Variants in PLD5 observed in about 807,000 individuals in gnomAD.
PLD5 encodes inactive phospholipase D5.
Under a neutral mutation model 61.1 loss-of-function variants are expected in PLD5, and 36 were observed. The ratio of observed to expected loss-of-function variants is 0.59; its 90% CI spans 0.45 to 0.78. PLD5 has a LOEUF of 0.78. Among genes scored for constraint, PLD5 ranks in the 30% least tolerant of loss-of-function variants. The pLI, the probability that PLD5 is intolerant of heterozygous loss-of-function variation, is 0.00. For synonymous variants in PLD5, 243 were observed against 242.8 expected, an observed-to-expected ratio of 1.00 and a Z score of -0.01; for missense variants, 515 against 644.4, an observed-to-expected ratio of 0.80 and a Z score of 2.17.
chr1:242,374,525 A>G (rs189307503), intron 1 of PLD5, among the ~76,000 whole-genome samples: 141 of 152,268 alleles, frequency 9.3e-4, no homozygotes, highest in Middle Eastern at 6.8e-3. Context: ...AAACCAGAAC[A>G]CTAAAGAAAC....
chr1:242,325,946 G>A (rs1658747427), intron 2 of PLD5, among the ~76,000 whole-genome samples: 1 of 152,106 alleles, frequency 6.6e-6, no homozygotes, highest in Non-Finnish European at 1.5e-5. Flanking sequence ...GTAGTGCAGT[G>A]GTGCCATATT....
At chr1:242,332,519 A>G (rs1331242986) in intron 2 of PLD5, among the ~76,000 whole-genome samples, 2 of 152,100 alleles carry the variant, frequency 1.3e-5, no homozygotes, top group African/African-American at 2.4e-5. Context: ...AAGCGTTCCT[A>G]TTTCTCCGCA....
At chr1:242,147,221 A>C (rs1347740455) in intron 5 of PLD5, among the ~76,000 whole-genome samples, 1 of 152,112 alleles carries the variant, frequency 6.6e-6, no homozygotes, top group Non-Finnish European at 1.5e-5. Flanking sequence ...TTCTTCCTGT[A>C]GTTTGGCTTT....
chr1:242,163,709 C>G (rs1287638781), intron 5 of PLD5, among the ~76,000 whole-genome samples: 1 of 152,018 alleles, frequency 6.6e-6, no homozygotes, highest in Non-Finnish European at 1.5e-5. Context: ...ACTAGGAATT[C>G]TCTACCATTC....
intron 2 of PLD5, among the ~76,000 whole-genome samples, chr1:242,313,415 T>C (rs983335934): frequency 1.3e-5 from 2 of 152,168 alleles, no homozygotes; most frequent in Admixed American, 6.5e-5. Context: ...GTCATGCTTG[T>C]TCACAACTTT....
chr1:242,216,647 G>A (rs1236109282), intron 5 of PLD5, among the ~76,000 whole-genome samples: 6 of 152,182 alleles, frequency 3.9e-5, no homozygotes, highest in South Asian at 2.1e-4. Flanking sequence ...TCAGGGCCAC[G>A]ACTCTTTACA....
At chr1:242,441,717 G>T (rs1351376452) in intron 1 of PLD5, among the ~76,000 whole-genome samples, 2 of 152,042 alleles carry the variant, frequency 1.3e-5, no homozygotes, top group African/African-American at 4.8e-5. Flanking sequence ...GAGGAACACA[G>T]TGGGCCATCC....
intron 1 of PLD5, among the ~76,000 whole-genome samples, chr1:242,435,571 C>T (rs12045450): frequency 0.07 from 10,718 of 152,142 alleles, 455 homozygotes; most frequent in East Asian, 0.11. Flanking sequence ...GCTGTGAGTT[C>T]AGTGTTAATG....
At chr1:242,514,778 A>G (rs1669049431) in intron 1 of PLD5, among the ~76,000 whole-genome samples, 1 of 152,130 alleles carries the variant, frequency 6.6e-6, no homozygotes, top group African/African-American at 2.4e-5. Context: ...AGGTTGTCTA[A>G]AGCAGATGGG....
intron 1 of PLD5, among the ~76,000 whole-genome samples, chr1:242,512,682 G>A (rs888259392): frequency 2.0e-5 from 3 of 152,142 alleles, no homozygotes; most frequent in African/African-American, 7.2e-5. Flanking sequence ...ACTGGATATT[G>A]ACATAGATCA....
chr1:242,140,644 GAATA>G (rs1164537231), intron 5 of PLD5, among the ~76,000 whole-genome samples: 3 of 152,072 alleles, frequency 2.0e-5, no homozygotes, highest in Admixed American at 6.6e-5. Context: ...GTCCAAAAAT[GAATA>G]AATAAATCAA....
chr1:242,335,679 G>A (rs1271445307), intron 2 of PLD5, among the ~76,000 whole-genome samples: 2 of 152,040 alleles, frequency 1.3e-5, no homozygotes, highest in East Asian at 1.9e-4. Flanking sequence ...TTATAATAAG[G>A]GACAGCCCTG....
intron 4 of PLD5, among the ~76,000 whole-genome samples, chr1:242,230,090 G>A (rs1671205168): frequency 6.6e-6 from 1 of 152,076 alleles, no homozygotes; most frequent in South Asian, 2.1e-4. Context: ...ATCCTGCATT[G>A]CACAGGATAG....
At chr1:242,318,362 C>T (rs1419262640) in intron 2 of PLD5, among the ~76,000 whole-genome samples, 5 of 152,242 alleles carry the variant, frequency 3.3e-5, no homozygotes, top group African/African-American at 7.2e-5. Context: ...GCTATTTTTC[C>T]GACTCCTCTG....
chr1:242,224,941 TC>T (rs1443092427), intron 4 of PLD5, among the ~76,000 whole-genome samples: 1 of 152,172 alleles, frequency 6.6e-6, no homozygotes, highest in Admixed American at 6.5e-5. Context: ...AGTGTCATCG[TC>T]CCCAGGCTTC....
chr1:242,485,914 ATCTACAAC>A (rs1386125962), intron 1 of PLD5, among the ~76,000 whole-genome samples: 2 of 152,226 alleles, frequency 1.3e-5, no homozygotes, highest in East Asian at 3.9e-4. Flanking sequence ...AATGACACAT[ATCTACAAC>A]TATCTGATCT....
chr1:242,241,575 G>A (rs553581795), intron 4 of PLD5, among the ~76,000 whole-genome samples: 5 of 152,042 alleles, frequency 3.3e-5, no homozygotes, highest in African/African-American at 1.2e-4. Context: ...AAGGTGGTAT[G>A]CCAAAATCTG....
At chr1:242,379,643 C>T (rs1000052537) in intron 1 of PLD5, among the ~76,000 whole-genome samples, 3 of 152,006 alleles carry the variant, frequency 2.0e-5, no homozygotes, top group Non-Finnish European at 4.4e-5. Context: ...TTGAGTTTTA[C>T]GCTGTCTTAG....
chr1:242,137,139 T>A (rs1574371664), intron 5 of PLD5, among the ~76,000 whole-genome samples: 1 of 152,214 alleles, frequency 6.6e-6, no homozygotes, highest in African/African-American at 2.4e-5. Context: ...ATAGCCCTCC[T>A]GGGCAAATAA....
Sources: gnomAD v4.1 joint callset for allele counts (sites outside exome capture counted in the v4.1 genomes callset) on GRCh38, gnomAD v4.1.1 for gene constraint, MANE v1.5 for transcripts, NCBI Gene and HGNC (gene_info 2026-07-23, HGNC 2026-07-21) for gene names.